ELMO1: variants seen among roughly 807,000 people sequenced by gnomAD.
The protein encoded by ELMO1 is engulfment and cell motility 1, also known as engulfment and cell motility protein 1.
In ELMO1, 26 loss-of-function variants were observed where a neutral mutation model predicts 98.9. The ratio of observed to expected loss-of-function variants is 0.26; its 90% CI spans 0.19 to 0.36. ELMO1 has a LOEUF of 0.36. Ranked by LOEUF, ELMO1 falls within the 10% of genes least tolerant of loss-of-function variation. ELMO1 has a pLI of 1.00. For synonymous variants in ELMO1, 346 were observed against 346.0 expected, an observed-to-expected ratio of 1.00 and a Z score of 0.00; for missense variants, 627 against 935.2, an observed-to-expected ratio of 0.67 and a Z score of 4.30.
intron 18 of ELMO1, among the ~76,000 whole-genome samples, chr7:36,881,470 C>A (rs1804451908): frequency 6.6e-6 from 1 of 152,176 alleles, no homozygotes; most frequent in Non-Finnish European, 1.5e-5. Context: ...TGAATTGCGT[C>A]ACTAAAAGCA....
At chr7:37,063,762 G>A (rs901632230) in intron 15 of ELMO1, among the ~76,000 whole-genome samples, 2 of 152,014 alleles carry the variant, frequency 1.3e-5, no homozygotes, top group African/African-American at 4.8e-5. Flanking sequence ...TTGAGAAAAC[G>A]CACGTTCACC....
rs568878808 is a variant in ELMO1 at position 36,865,283 on chromosome 7, G to A, written c.1906-3547C>T. On this transcript the variant is annotated intron_variant, in intron 20 of 21. Transcript: ENST00000310758. ...GATAAAAGACACAGGATATAACTCG[G>A]CATGTGTGTGGGTGTTAAATTATGG... 1.2e-3 allele frequency among the ~76,000 whole-genome samples: 185 copies of A among 152,278 alleles called. 1 individual carries two copies. The highest frequency in any genetic ancestry group is 4.2e-3 in the African/African-American group (174 of 41,530).
intron 15 of ELMO1, among the ~76,000 whole-genome samples, chr7:37,054,166 C>T (rs1043117042): frequency 2.0e-5 from 3 of 152,142 alleles, no homozygotes; most frequent in East Asian, 3.8e-4. Flanking sequence ...ATATTTATGA[C>T]ATAAAAAATT....
chr7:37,284,336 G>A (rs995721346), intron 4 of ELMO1, among the ~76,000 whole-genome samples: 4 of 152,164 alleles, frequency 2.6e-5, no homozygotes, highest in Non-Finnish European at 4.4e-5. Context: ...CAAGATTACT[G>A]ATGTGATGAA....
At position 37,152,620 on chromosome 7, in the gene ELMO1, T is replaced by C. The variant is rs1461651581; in HGVS notation, c.1087-19386A>G. On this transcript the variant is annotated intron_variant, in intron 13 of 21. Transcript: ENST00000310758. ...ATGTATACACACGATCGTAAAAGCA[T>C]TTAGAAATGGTGGGAAGCATACACT... is the stretch of plus-strand genomic sequence containing the variant. Among the ~76,000 whole-genome samples, 6 of 152,228 alleles carry C rather than the reference T, an allele frequency of 3.9e-5. No individual in the cohort carries two copies. The East Asian group carries it at 1.2e-3, about 29-fold the overall frequency.
At chr7:37,168,267 C>T (rs968319145) in intron 13 of ELMO1, among the ~76,000 whole-genome samples, 1 of 152,152 alleles carries the variant, frequency 6.6e-6, no homozygotes, top group South Asian at 2.1e-4. Flanking sequence ...TTTTTAACTT[C>T]TTTGCCTTTG....
chr7:37,447,316 G>T (rs1583782807), intron 1 of ELMO1, among the ~76,000 whole-genome samples: 2 of 152,276 alleles, frequency 1.3e-5, no homozygotes, highest in East Asian at 3.9e-4. Context: ...GCTTCTGGAG[G>T]CCTCAACCCG....
intron 15 of ELMO1, among the ~76,000 whole-genome samples, chr7:37,056,408 A>G (rs954351024): frequency 2.6e-5 from 4 of 152,224 alleles, no homozygotes; most frequent in Admixed American, 2.0e-4. Context: ...TAGACAAAGC[A>G]GAGCTCCCAG....
chr7:36,867,575 C>T (rs184235612), intron 20 of ELMO1, among the ~76,000 whole-genome samples: 57 of 152,092 alleles, frequency 3.7e-4, no homozygotes, highest in African/African-American at 1.3e-3. Flanking sequence ...GCTCTCCTTC[C>T]TTAGTGTCCT....
At chr7:37,316,727 T>C (rs1417432335) in intron 2 of ELMO1, among the ~76,000 whole-genome samples, 2 of 152,132 alleles carry the variant, frequency 1.3e-5, no homozygotes, top group Admixed American at 1.3e-4. Context: ...GGGAGTATCA[T>C]GTCAACCCAA....
intron 16 of ELMO1, among the ~76,000 whole-genome samples, chr7:36,985,413 C>T (rs1791426998): frequency 6.6e-6 from 1 of 151,962 alleles, no homozygotes; most frequent in South Asian, 2.1e-4. Context: ...ATTTTCCAAG[C>T]AGAGAACAGT....
intron 16 of ELMO1, among the ~76,000 whole-genome samples, chr7:36,981,741 A>G (rs1791071476): frequency 6.6e-6 from 1 of 152,156 alleles, no homozygotes; most frequent in African/African-American, 2.4e-5. Context: ...GAAACAGCAT[A>G]CTGTTTTAAT....
intron 15 of ELMO1, among the ~76,000 whole-genome samples, chr7:37,060,751 A>G (rs550927262): frequency 3.9e-5 from 6 of 152,332 alleles, no homozygotes; most frequent in East Asian, 1.9e-4. Flanking sequence ...ATATTAGGTC[A>G]TTGGCTTTTT....
At chr7:36,977,255 GA>G (rs1389354951) in intron 16 of ELMO1, among the ~76,000 whole-genome samples, 1 of 152,114 alleles carries the variant, frequency 6.6e-6, no homozygotes, top group Non-Finnish European at 1.5e-5. Flanking sequence ...TCACTACACT[GA>G]AAATTTTTAA....
intron 16 of ELMO1, among the ~76,000 whole-genome samples, chr7:36,926,393 T>G (rs751050087): frequency 2.6e-5 from 4 of 152,340 alleles, no homozygotes; most frequent in Admixed American, 6.5e-5. Flanking sequence ...TGGCTTTGAA[T>G]TTTTAAACCT....
intron 16 of ELMO1, among the ~76,000 whole-genome samples, chr7:36,938,664 A>G (rs1016156870): frequency 3.9e-5 from 6 of 152,232 alleles, no homozygotes; most frequent in African/African-American, 1.4e-4. Context: ...TTAATTAACT[A>G]ATCAGCTGCC....
chr7:36,894,071 T>C lies in ELMO1; in HGVS notation c.1601+783A>G, dbSNP rs190031537. 2.4e-4 allele frequency among the ~76,000 whole-genome samples: 36 copies of C among 152,292 alleles called. No homozygotes were observed. The East Asian group carries it at 5.8e-3, about 24-fold the overall frequency. Reference sequence around the variant, plus strand: ...AATGAGAATAAATATCAAACACATATGCCTTTCCCTGTGTTTTTCCTCTTT... The same window carrying C: ...AATGAGAATAAATATCAAACACATACGCCTTTCCCTGTGTTTTTCCTCTTT... On this transcript the variant is annotated intron_variant, in intron 17 of 21. Transcript: ENST00000310758.
chr7:37,168,471 T>C (rs1789894053), intron 13 of ELMO1, among the ~76,000 whole-genome samples: 1 of 152,182 alleles, frequency 6.6e-6, no homozygotes, highest in East Asian at 1.9e-4. Flanking sequence ...TGTGGTTTTA[T>C]CTACTTTTGG....
chr7:36,890,584 C>G (rs1283851443), intron 17 of ELMO1, among the ~76,000 whole-genome samples: 2 of 152,138 alleles, frequency 1.3e-5, no homozygotes, highest in South Asian at 4.1e-4. Flanking sequence ...TAGGTATTTC[C>G]TAATCAATCA....
Sources: gnomAD v4.1 joint callset for allele counts (sites outside exome capture counted in the v4.1 genomes callset) on GRCh38, gnomAD v4.1.1 for gene constraint, MANE v1.5 for transcripts, NCBI Gene and HGNC (gene_info 2026-07-23, HGNC 2026-07-21) for gene names.